Variants in CFAP36 observed in about 807,000 individuals in gnomAD.
CFAP36 encodes cilia- and flagella-associated protein 36.
A neutral mutation model predicts 50.5 loss-of-function variants in CFAP36; 37 were observed. That is an observed-to-expected ratio of 0.73 (90% CI 0.56 to 0.96). The LOEUF (loss-of-function observed/expected upper bound fraction) is 0.96, where lower values mean the gene tolerates loss of function less well. Ranked by LOEUF, CFAP36 falls within the 50% of genes least tolerant of loss-of-function variation. The probability of loss-of-function intolerance (pLI) is 0.00; values close to 1 mark genes in which losing one functional copy is unlikely to be tolerated. For missense variants in CFAP36, 407 were observed against 396.2 expected (o/e 1.03, Z -0.23); for synonymous variants, 138 against 128.2 (o/e 1.08, Z -0.52).
At chr2:55,530,865 T>G (rs1684335194) in intron 4 of CFAP36, 3 of 152,192 alleles carry the variant, frequency 2.0e-5, no homozygotes, top group South Asian at 4.1e-4. Context: ...CTTGAAGATA[T>G]GAGATCTATA....
chr2:55,534,784 C>T (rs74773131), intron 5 of CFAP36, among the ~76,000 whole-genome samples: 96 of 152,290 alleles, frequency 6.3e-4, no homozygotes, highest in African/African-American at 1.8e-3. Context: ...CAGTTCCCCC[C>T]ACTTAGGTAC....
chr2:55,535,951 A>G, intron 6 of CFAP36, 188 bp downstream of exon 6: 1 of 1,217,328 alleles, frequency 8.2e-7, no homozygotes. Flanking sequence ...TGGCCACCAT[A>G]TTATATAGTA....
chr2:55,543,439 A>C (rs1684692766), intron 7 of CFAP36, among the ~76,000 whole-genome samples: 1 of 152,208 alleles, frequency 6.6e-6, no homozygotes, highest in African/African-American at 2.4e-5. Flanking sequence ...TCTTCAATAC[A>C]TAATTATAAA....
In CFAP36 at chr2:55,544,969, G is replaced by C. The variant is rs1418742611; in HGVS notation, c.990G>C (p.Leu330Phe). Residue 330 changes from leucine to phenylalanine, a missense_variant, in exon 10 of 10, where the codon TTG (leucine) becomes TTC (phenylalanine). Transcript: ENST00000349456. ...EEKQTLLKRR[L>F]LAEKLKEEVI... is the part of the protein sequence containing the mutation. ...AGCAAACATTACTAAAGAGGAGATT[G>C]CTTGCAGAGAAACTCAAAGAAGAAG... 6.2e-7 allele frequency: 1 copy of C among 1,604,812 alleles called. No individual in the cohort carries two copies. Among genetic ancestry groups the C allele is most frequent in the Non-Finnish European group, 8.5e-7 (1 of 1,176,110 alleles).
Position 55,544,906 on chromosome 2 carries a change from G to T in CFAP36, c.928-1G>T. The T allele has an allele frequency of 6.3e-7, 1 of 1,578,198 alleles. No individual in the cohort carries two copies. Among genetic ancestry groups the T allele is most frequent in the Non-Finnish European group, 8.6e-7 (1 of 1,165,406 alleles). On this transcript the variant is annotated splice_acceptor_variant, in intron 9 of 9. Transcript: ENST00000349456. LOFTEE classifies it high-confidence loss of function. ...TAGCCAATTTTTTCTTTTTTTTTCAGGAAATGACAGAGAAACCAGAAATGA... is the reference window on the plus strand; with the variant it reads ...TAGCCAATTTTTTCTTTTTTTTTCATGAAATGACAGAGAAACCAGAAATGA...
chr2:55,520,643 G>A (rs1323511419), intron 1 of CFAP36, among the ~76,000 whole-genome samples: 3 of 152,162 alleles, frequency 2.0e-5, no homozygotes, highest in African/African-American at 7.2e-5. Context: ...TCAGTTCGTG[G>A]AGACTATTTG....
At chr2:55,539,820 G>A (rs1393253708) in intron 7 of CFAP36, among the ~76,000 whole-genome samples, 5 of 152,220 alleles carry the variant, frequency 3.3e-5, no homozygotes, top group Non-Finnish European at 5.9e-5. Flanking sequence ...TAGTAGGTGT[G>A]TAGTGGTATC....
chr2:55,532,496 A>C (rs1272124372), intron 4 of CFAP36, among the ~76,000 whole-genome samples: 2 of 152,322 alleles, frequency 1.3e-5, no homozygotes, highest in East Asian at 3.9e-4. Context: ...TATTAGGAGA[A>C]TAATAATTTT....
chr2:55,533,911 G>A lies in CFAP36; in HGVS notation c.436G>A (p.Val146Ile), dbSNP rs200059539. 1.9e-6 allele frequency: 3 copies of A among 1,611,948 alleles called. No homozygotes were observed. The highest frequency in any genetic ancestry group is 4.5e-5 in the East Asian group (2 of 44,850). The stretch of plus-strand genomic sequence containing the variant: ...CTGCTTAACCGATGGCTCTGATGTG[G>A]TCAGTGACCTTGAACACGAAGAGAT... ...PDCLTDGSDV[V>I]SDLEHEEMKI... The change falls in exon 5 of 10, where the codon GTC becomes ATC. Residue 146 changes from valine to isoleucine, a missense_variant. Val to Ile is a conservative substitution (Grantham distance 29, BLOSUM62 3). Transcript: ENST00000349456.
chr2:55,537,131 C>T (rs1684509494), intron 6 of CFAP36, among the ~76,000 whole-genome samples: 1 of 152,130 alleles, frequency 6.6e-6, no homozygotes, highest in African/African-American at 2.4e-5. Flanking sequence ...AATCCCAGCA[C>T]TTTGAGAGGC....
intron 2 of CFAP36, 93 bp from the exon 3 acceptor site, chr2:55,523,628 T>C: frequency 2.8e-6 from 2 of 711,202 alleles, no homozygotes; most frequent in Middle Eastern, 8.1e-4. Context: ...TGCAAAAAAT[T>C]CGATGATACT....
At chr2:55,540,673 T>G (rs747348179) in intron 7 of CFAP36, among the ~76,000 whole-genome samples, 1 of 152,162 alleles carries the variant, frequency 6.6e-6, no homozygotes, top group Non-Finnish European at 1.5e-5. Flanking sequence ...CTGTAGATCA[T>G]GTTGGGAAGA....
chr2:55,535,922 G>A lies in CFAP36; in HGVS notation c.537+159G>A, dbSNP rs553315722. The A allele has an allele frequency of 1.3e-5, 18 of 1,344,072 alleles. No homozygotes were observed. The African/African-American group carries it at 2.1e-4, about 16-fold the overall frequency. The allele number at this position is 1,344,072 out of a possible 1,614,324, so 83.3% of individuals were successfully genotyped here. ...AATATTAATATATCAATAATTCTAT[G>A]TATGTCGTGCATTACTGCTGGCCAC... On this transcript the variant is annotated intron_variant, in intron 6 of 9. Coordinates refer to ENST00000349456, the MANE Select transcript of CFAP36 (RefSeq NM_080667.7).
intron 4 of CFAP36, among the ~76,000 whole-genome samples, chr2:55,531,438 T>C (rs981452186): frequency 6.6e-6 from 1 of 152,142 alleles, no homozygotes; most frequent in African/African-American, 2.4e-5. Flanking sequence ...AGGCTGTCAG[T>C]AACAGAACAC....
rs1684711829 is a variant in CFAP36 at position 55,544,087 on chromosome 2, C to T, written c.777+13C>T. On this transcript the variant is annotated intron_variant, in intron 8 of 9. Coordinates refer to ENST00000349456, the MANE Select transcript of CFAP36 (RefSeq NM_080667.7). ...AGGACCAATAGCAGTAAGTAAACGA[C>T]ATCACTTAAGAACTATAAGCAAAAT... 5 of 1,613,172 alleles carry T rather than the reference C, an allele frequency of 3.1e-6. No homozygotes were observed. Among genetic ancestry groups the T allele is most frequent in the Non-Finnish European group, 4.2e-6 (5 of 1,179,722 alleles).
intron 3 of CFAP36, 108 bp from the exon 4 acceptor site, chr2:55,528,770 T>G: frequency 1.6e-6 from 1 of 629,540 alleles, no homozygotes; most frequent in Non-Finnish European, 2.8e-6. Context: ...TAAATAACAA[T>G]GTAGCATTCT....
At chr2:55,523,631 A>T in intron 2 of CFAP36, 90 bp from the exon 3 acceptor site, 2 of 744,258 alleles carry the variant, frequency 2.7e-6, no homozygotes, top group Non-Finnish European at 4.2e-6. Flanking sequence ...AAAAAATTCG[A>T]TGATACTTTT....
chr2:55,543,944 A>G lies in CFAP36; in HGVS notation c.647A>G (p.Lys216Arg). 4 of 1,611,790 alleles carry G rather than the reference A, an allele frequency of 2.5e-6. No individual in the cohort carries two copies. The highest frequency in any genetic ancestry group is 3.4e-6 in the Non-Finnish European group (4 of 1,178,902). The change falls in exon 8 of 10, where the codon AAA becomes AGA. Residue 216 changes from lysine (K) to arginine (R), a missense_variant. Transcript: ENST00000349456. ...EHFAHPPSEV[K>R]MHFANQSIEP... ...ATTGTCTACTTATTGCCAGAAGTTA[A>G]AATGCATTTTGCTAATCAGTCAATA...
chr2:55,528,993 G>T lies in CFAP36; in HGVS notation c.397+1G>T. The T allele has an allele frequency of 1.3e-6, 2 of 1,593,656 alleles. No individual in the cohort carries two copies. Among genetic ancestry groups the T allele is most frequent in the Non-Finnish European group, 1.7e-6 (2 of 1,168,348 alleles). The stretch of plus-strand genomic sequence containing the variant: ...ATTCGAATAATTCAAGAGAGAAATG[G>T]TAAAATGTTGAAGTTAGAAATCTAA... On this transcript the variant is annotated splice_donor_variant, in intron 4 of 9. Transcript: ENST00000349456. LOFTEE classifies it high-confidence loss of function.
Sources: gnomAD v4.1 joint callset for allele counts (sites outside exome capture counted in the v4.1 genomes callset) on GRCh38, gnomAD v4.1.1 for gene constraint, MANE v1.5 for transcripts, NCBI Gene and HGNC (gene_info 2026-07-23, HGNC 2026-07-21) for gene names.